The following LRP1B variants were observed in gnomAD, a reference collection of about 807,000 sequenced individuals.
LRP1B encodes the protein low-density lipoprotein receptor-related protein 1B.
A neutral mutation model predicts 556.6 loss-of-function variants in LRP1B; 217 were observed. That is an observed-to-expected ratio of 0.39 (90% CI 0.35 to 0.44). The LOEUF (loss-of-function observed/expected upper bound fraction) is 0.44, where lower values mean the gene tolerates loss of function less well. LRP1B is among the 20% of genes least tolerant of loss of function. The pLI is 1.00. For synonymous variants in LRP1B, 2,047 were observed against 1,865.8 expected (o/e 1.10, Z -2.50); for missense variants, 5,053 against 5,620.8 (o/e 0.90, Z 3.23).
intron 44 of LRP1B, 83 bp from the exon 45 acceptor site, chr2:140,541,181 A>C: frequency 1.8e-6 from 2 of 1,119,972 alleles, no homozygotes; most frequent in Non-Finnish European, 1.3e-6. Flanking sequence ...AAACTATTAG[A>C]CTGCCTCAAT....
chr2:141,650,361 G>A (rs1301455602), intron 2 of LRP1B, among the ~76,000 whole-genome samples: 3 of 152,182 alleles, frequency 2.0e-5, no homozygotes, highest in African/African-American at 7.2e-5. Context: ...GGAGTGGAGG[G>A]GAAGGAGAAA....
intron 43 of LRP1B, among the ~76,000 whole-genome samples, chr2:140,562,782 A>G (rs1242817476): frequency 6.6e-6 from 1 of 151,468 alleles, no homozygotes; most frequent in Non-Finnish European, 1.5e-5. Flanking sequence ...CACCACACCT[A>G]TTTTTGTATT....
chr2:142,077,609 G>A (rs1705554043), intron 1 of LRP1B, among the ~76,000 whole-genome samples: 1 of 152,050 alleles, frequency 6.6e-6, no homozygotes, highest in Admixed American at 6.6e-5. Context: ...TTATATATAA[G>A]GTAACAGTGT....
intron 3 of LRP1B, among the ~76,000 whole-genome samples, chr2:141,263,237 T>C (rs973644557): frequency 6.6e-6 from 1 of 151,970 alleles, no homozygotes; most frequent in African/African-American, 2.4e-5. Flanking sequence ...CATGTGACCT[T>C]GCTAAACAGA....
chr2:141,795,936 T>A (rs1370705255), intron 2 of LRP1B, among the ~76,000 whole-genome samples: 1 of 140,762 alleles, frequency 7.1e-6, no homozygotes, highest in Non-Finnish European at 1.5e-5. Context: ...CCTGGCCATC[T>A]GAATCTTGAT....
chr2:140,908,885 C>G (rs1385311525), intron 21 of LRP1B, among the ~76,000 whole-genome samples: 1 of 152,120 alleles, frequency 6.6e-6, no homozygotes, highest in Non-Finnish European at 1.5e-5. Context: ...CTACAACCTC[C>G]GCCTCCCAGG....
At chr2:141,975,154 C>T (rs534988013) in intron 1 of LRP1B, among the ~76,000 whole-genome samples, 1 of 152,046 alleles carries the variant, frequency 6.6e-6, no homozygotes, top group African/African-American at 2.4e-5. Flanking sequence ...TACCCTACTG[C>T]TTGAATTTGA....
At chr2:141,598,632 A>G (rs1687608433) in intron 2 of LRP1B, among the ~76,000 whole-genome samples, 2 of 152,276 alleles carry the variant, frequency 1.3e-5, no homozygotes, top group South Asian at 2.1e-4. Flanking sequence ...AATCTCAACA[A>G]TTGAGATTTT....
chr2:141,952,097 G>A (rs1345697493), intron 1 of LRP1B, among the ~76,000 whole-genome samples: 1 of 150,202 alleles, frequency 6.7e-6, no homozygotes, highest in Non-Finnish European at 1.5e-5. Context: ...GAGAACATGC[G>A]GTGTTTGGTT....
At chr2:141,541,395 G>A (rs1685254708) in intron 2 of LRP1B, among the ~76,000 whole-genome samples, 1 of 152,018 alleles carries the variant, frequency 6.6e-6, no homozygotes, top group Non-Finnish European at 1.5e-5. Flanking sequence ...TTTGAGCTAA[G>A]TCTTAAAAAC....
At chr2:140,598,947 C>T in intron 42 of LRP1B, 112 bp from the exon 43 acceptor site, 1 of 679,144 alleles carries the variant, frequency 1.5e-6, no homozygotes, top group Non-Finnish European at 2.5e-6. Context: ...TTATTTACCT[C>T]ATATTCTATC....
At chr2:140,884,660 C>T (rs976443325) in intron 24 of LRP1B, among the ~76,000 whole-genome samples, 11 of 152,150 alleles carry the variant, frequency 7.2e-5, no homozygotes, top group Non-Finnish European at 2.9e-5. Flanking sequence ...TGATGCCTAC[C>T]AATATTCTTA....
chr2:140,736,201 G>A (rs1008387231), intron 35 of LRP1B, among the ~76,000 whole-genome samples: 5 of 152,072 alleles, frequency 3.3e-5, no homozygotes, highest in African/African-American at 7.2e-5. Flanking sequence ...AAAACCCACC[G>A]AAGTATTATG....
Position 141,780,835 on chromosome 2 carries a change from A to G in LRP1B, c.205+29444T>C, listed in dbSNP as rs548373480. ...CCTTCATTAGTCATTTTACCTTACC[A>G]TGGATTACTTTTTCAGACACTCAAG... is the stretch of plus-strand genomic sequence containing the variant. On this transcript the variant is annotated intron_variant, in intron 2 of 90. Coordinates refer to ENST00000389484, the MANE Select transcript of LRP1B (RefSeq NM_018557.3). Among the ~76,000 whole-genome samples the G allele has an allele frequency of 2.0e-5, 3 of 152,284 alleles. No individual in the cohort carries two copies. The South Asian group carries it at 6.2e-4, about 32-fold the overall frequency.
intron 53 of LRP1B, among the ~76,000 whole-genome samples, chr2:140,503,933 A>G (rs1689299784): frequency 6.6e-6 from 1 of 152,106 alleles, no homozygotes; most frequent in Non-Finnish European, 1.5e-5. Flanking sequence ...AATTATTATC[A>G]TATTGGAATG....
intron 35 of LRP1B, among the ~76,000 whole-genome samples, chr2:140,733,795 C>T (rs288117): frequency 0.21 from 31,285 of 152,070 alleles, 3,660 homozygotes; most frequent in African/African-American, 0.33. Context: ...TAATGAAAGG[C>T]AAACTTACTA....
intron 3 of LRP1B, among the ~76,000 whole-genome samples, chr2:141,317,510 C>T (rs888445636): frequency 1.1e-4 from 16 of 152,068 alleles, no homozygotes; most frequent in East Asian, 3.9e-4. Context: ...CTTTGAAGAC[C>T]CTAACTCCAA....
At chr2:141,480,206 G>GT (rs549999291) in intron 3 of LRP1B, among the ~76,000 whole-genome samples, 190 bp downstream of exon 3, 368 of 150,848 alleles carry the variant, frequency 2.4e-3, no homozygotes, top group African/African-American at 8.1e-3. Flanking sequence ...GTCTAATGGT[G>GT]TTTTTTTGCT....
chr2:142,020,394 A>G (rs1703291472), intron 1 of LRP1B, among the ~76,000 whole-genome samples: 2 of 152,176 alleles, frequency 1.3e-5, no homozygotes, highest in South Asian at 2.1e-4. Context: ...TTGATGTAGG[A>G]CCTTGAACAC....
Sources: gnomAD v4.1 joint callset for allele counts (sites outside exome capture counted in the v4.1 genomes callset) on GRCh38, gnomAD v4.1.1 for gene constraint, MANE v1.5 for transcripts, NCBI Gene and HGNC (gene_info 2026-07-23, HGNC 2026-07-21) for gene names.